Variants in DAPP1 observed in about 807,000 individuals in gnomAD.
The protein encoded by DAPP1 is dual adapter for phosphotyrosine and 3-phosphotyrosine and 3-phosphoinositide.
In DAPP1, 20 loss-of-function variants were observed where a neutral mutation model predicts 41.5. The observed-to-expected ratio is 0.48, with a 90% confidence interval of 0.34 to 0.70. DAPP1 has a LOEUF of 0.70. DAPP1 is among the 30% of genes least tolerant of loss of function. The pLI is 0.01. For missense variants in DAPP1, 233 were observed against 333.4 expected (o/e 0.70, Z 2.35); for synonymous variants, 113 against 116.2 (o/e 0.97, Z 0.18).
downstream of DAPP1, among the ~76,000 whole-genome samples, chr4:99,870,552 T>C (rs1019161655): frequency 4.6e-5 from 7 of 152,144 alleles, no homozygotes; most frequent in Admixed American, 4.6e-4. Context: ...CCCTCAGCAG[T>C]CCTGCAAAGA....
At chr4:99,838,759 T>C (rs1008866300) in intron 2 of DAPP1, among the ~76,000 whole-genome samples, 1 of 152,166 alleles carries the variant, frequency 6.6e-6, no homozygotes, top group East Asian at 1.9e-4. Context: ...CTGTAGAAGA[T>C]TGAAATACCT....
Position 99,868,305 on chromosome 4 carries a change from G to C in DAPP1, c.*120G>C, listed in dbSNP as rs1724534202. 4.4e-6 allele frequency: 4 copies of C among 914,568 alleles called. No individual in the cohort carries two copies. The highest frequency in any genetic ancestry group is 5.2e-6 in the Non-Finnish European group (3 of 581,114). 56.7% of individuals were successfully genotyped at this position (914,568 alleles called of 1,614,324 possible). ...AGGATTTTCTTTCAAAAACAAATCA[G>C]AAGCAGATGCTGATTGGGACCCATA... On this transcript the variant is annotated 3_prime_UTR_variant, in exon 9 of 9. Transcript: ENST00000512369.
chr4:99,822,522 G>T (rs1578341094), intron 1 of DAPP1, among the ~76,000 whole-genome samples: 1 of 152,056 alleles, frequency 6.6e-6, no homozygotes, highest in Admixed American at 6.6e-5. Flanking sequence ...AGTTAGAAAA[G>T]GTGAAATTTT....
chr4:99,870,092 T>G lies in DAPP1; in HGVS notation c.*1907T>G, dbSNP rs1310876333. On this transcript the variant is annotated 3_prime_UTR_variant, in exon 9 of 9. Transcript: ENST00000512369. ...TTACCTTTTATAAAACATAACCTGT[T>G]TATTTATATTCTTTGGCTTTGTTTA... 3 of 152,182 alleles carry G rather than the reference T, an allele frequency of 2.0e-5. No homozygotes were observed. Among genetic ancestry groups the G allele is most frequent in the Non-Finnish European group, 4.4e-5 (3 of 68,040 alleles). The allele number at this position is 152,182 out of a possible 1,614,324, so 9.4% of individuals were successfully genotyped here.
At chr4:99,859,127 GCTGGTATCGAA>G (rs903838529) in intron 4 of DAPP1, among the ~76,000 whole-genome samples, 3 of 151,878 alleles carry the variant, frequency 2.0e-5, no homozygotes, top group African/African-American at 7.3e-5. Context: ...TTTTAACCAG[GCTGGTATCGAA>G]CTCCTGGGTG....
In DAPP1 at chr4:99,835,876, C is replaced by T. The variant is rs1394614424; in HGVS notation, c.224+131C>T. ...GACCACCAGGTTAAAGGATTCCAAACTCTAAATGATGAGGGTGTAAAACAA... is the reference window on the plus strand; with the variant it reads ...GACCACCAGGTTAAAGGATTCCAAATTCTAAATGATGAGGGTGTAAAACAA... On this transcript the variant is annotated intron_variant, in intron 2 of 8. Transcript: ENST00000512369. 6 of 1,210,052 alleles carry T rather than the reference C, an allele frequency of 5.0e-6. No homozygotes were observed. The Admixed American group carries it at 1.1e-4, about 22-fold the overall frequency. 75.0% of individuals were successfully genotyped at this position (1,210,052 alleles called of 1,614,324 possible). A position where few individuals can be genotyped will look rare whatever the true frequency, so the allele number is the denominator to read the frequency against.
At chr4:99,831,365 T>C (rs1383179715) in intron 1 of DAPP1, among the ~76,000 whole-genome samples, 1 of 152,222 alleles carries the variant, frequency 6.6e-6, no homozygotes, top group Non-Finnish European at 1.5e-5. Flanking sequence ...ATGTTAAGCA[T>C]CCCTGGCACC....
intron 4 of DAPP1, among the ~76,000 whole-genome samples, chr4:99,854,079 A>G (rs1723962549): frequency 6.6e-6 from 1 of 152,182 alleles, no homozygotes; most frequent in Non-Finnish European, 1.5e-5. Context: ...TATTTTTTCT[A>G]GCTTTTTTTC....
At chr4:99,849,138 T>C (rs1029375669) in intron 3 of DAPP1, among the ~76,000 whole-genome samples, 36 of 152,192 alleles carry the variant, frequency 2.4e-4, no homozygotes, top group Admixed American at 2.0e-3. Context: ...CTAGTTAAAA[T>C]CAATCTACAG....
chr4:99,822,463 T>C (rs1038469586), intron 1 of DAPP1, among the ~76,000 whole-genome samples: 2 of 152,124 alleles, frequency 1.3e-5, no homozygotes, highest in African/African-American at 4.8e-5. Context: ...TTCTCCACAG[T>C]AGAAGTGGAG....
rs1329078577 is a variant in DAPP1, at chr4:99,835,743, G to A, written c.222G>A (p.Val74=). Reference sequence around the variant, plus strand: ...CCACCGGGCTGTACTCTCTCTCTGTGAGGTAAGGTGCTTCAGGGCTCTACG... The same window carrying A: ...CCACCGGGCTGTACTCTCTCTCTGTAAGGTAAGGTGCTTCAGGGCTCTACG... ...NETTGLYSLS[V]RAKDSVKHFH... is the part of the protein sequence containing the mutation. Residue 74 remains valine (V), a splice_region_variant and synonymous_variant, in exon 2 of 9, where the codon GTG becomes GTA. Transcript: ENST00000512369. The A allele has an allele frequency of 6.2e-7, 1 of 1,613,642 alleles. No homozygotes were observed.
At chr4:99,848,527 C>T (rs940912036) in intron 3 of DAPP1, among the ~76,000 whole-genome samples, 1 of 151,968 alleles carries the variant, frequency 6.6e-6, no homozygotes, top group Non-Finnish European at 1.5e-5. Flanking sequence ...CCGCGCCCTG[C>T]CCAGGAGCAG....
intron 3 of DAPP1, among the ~76,000 whole-genome samples, chr4:99,845,450 G>GCGACA (rs1378205147): frequency 1.3e-5 from 2 of 152,190 alleles, no homozygotes; most frequent in Non-Finnish European, 2.9e-5. Flanking sequence ...TGGTCCTACA[G>GCGACA]CGACACTGCA....
At chr4:99,839,123 T>C (rs1420589835) in intron 2 of DAPP1, among the ~76,000 whole-genome samples, 1 of 152,148 alleles carries the variant, frequency 6.6e-6, no homozygotes, top group South Asian at 2.1e-4. Flanking sequence ...CCAGACCAGG[T>C]GTGTCACCTA....
chr4:99,867,988 G>A, intron 8 of DAPP1, 129 bp from the exon 9 acceptor site: 1 of 828,456 alleles, frequency 1.2e-6, no homozygotes, highest in Non-Finnish European at 2.0e-6. Flanking sequence ...TTGGGGGTGA[G>A]CACATGATAA....
At chr4:99,846,245 C>T (rs1039921764) in intron 3 of DAPP1, among the ~76,000 whole-genome samples, 2 of 152,184 alleles carry the variant, frequency 1.3e-5, no homozygotes, top group African/African-American at 4.8e-5. Flanking sequence ...CAGTATTTCA[C>T]ATGCCCTAGA....
chr4:99,828,418 G>A (rs1311328276), intron 1 of DAPP1, among the ~76,000 whole-genome samples: 1 of 152,126 alleles, frequency 6.6e-6, no homozygotes, highest in Non-Finnish European at 1.5e-5. Context: ...TATACAGAGT[G>A]ATATAAAATG....
chr4:99,830,335 A>T (rs1404803160), intron 1 of DAPP1, among the ~76,000 whole-genome samples: 3 of 152,166 alleles, frequency 2.0e-5, no homozygotes, highest in Non-Finnish European at 4.4e-5. Context: ...GTGAGCCAAG[A>T]TCATACCACT....
intron 7 of DAPP1, 118 bp from the exon 8 acceptor site, chr4:99,865,913 ATAT>A (rs1212809166): frequency 1.4e-4 from 12 of 87,350 alleles, no homozygotes; most frequent in African/African-American, 5.5e-4. Context: ...ATATATATAT[ATAT>A]ATATATATAA....
Sources: allele counts gnomAD v4.1 joint callset (sites outside exome capture counted in the v4.1 genomes callset), GRCh38; gene constraint gnomAD v4.1.1; transcripts MANE v1.5; gene names NCBI Gene and HGNC (gene_info 2026-07-23, HGNC 2026-07-21).